Variants in ZBTB7C observed in about 807,000 individuals in gnomAD.
ZBTB7C encodes zinc finger and BTB domain-containing protein 7C.
Under a neutral mutation model 25.7 loss-of-function variants are expected in ZBTB7C, and 8 were observed. The observed-to-expected ratio is 0.31, with a 90% confidence interval of 0.18 to 0.56. ZBTB7C has a LOEUF of 0.56. Among genes scored for constraint, ZBTB7C ranks in the 20% least tolerant of loss-of-function variants. The pLI is 0.91. For missense variants in ZBTB7C, 824 were observed against 855.2 expected, an observed-to-expected ratio of 0.96 and a Z score of 0.46; for synonymous variants, 394 against 369.0, an observed-to-expected ratio of 1.07 and a Z score of -0.78.
At chr18:48,276,991 T>G (rs1444884110) in intron 2 of ZBTB7C, among the ~76,000 whole-genome samples, 1 of 151,746 alleles carries the variant, frequency 6.6e-6, no homozygotes, top group Non-Finnish European at 1.5e-5. Flanking sequence ...ATGATTGCCA[T>G]TCTAACTGGT....
intron 2 of ZBTB7C, among the ~76,000 whole-genome samples, chr18:48,292,743 C>A (rs1320812088): frequency 6.6e-6 from 1 of 152,142 alleles, no homozygotes; most frequent in Non-Finnish European, 1.5e-5. Context: ...CTGGGTATGA[C>A]AAGAAAAGCT....
At chr18:48,294,928 C>G (rs114700633) in intron 2 of ZBTB7C, among the ~76,000 whole-genome samples, 1 of 152,120 alleles carries the variant, frequency 6.6e-6, no homozygotes. Context: ...AATTAGGAAC[C>G]GTGAGCTCTG....
intron 1 of ZBTB7C, among the ~76,000 whole-genome samples, chr18:48,341,910 A>G (rs922251971): frequency 1.3e-5 from 2 of 152,220 alleles, no homozygotes; most frequent in African/African-American, 4.8e-5. Context: ...GCCTCCCTCC[A>G]AGGCCTCACT....
chr18:48,251,348 G>A (rs962736657), intron 2 of ZBTB7C, among the ~76,000 whole-genome samples: 2 of 152,130 alleles, frequency 1.3e-5, no homozygotes, highest in Non-Finnish European at 2.9e-5. Flanking sequence ...TTCATACTAG[G>A]GGAGGGACCC....
chr18:48,071,179 G>A (rs1276136660), intron 3 of ZBTB7C, among the ~76,000 whole-genome samples: 1 of 152,162 alleles, frequency 6.6e-6, no homozygotes, highest in African/African-American at 2.4e-5. Context: ...TACCGCCACA[G>A]GTACTATTTA....
chr18:48,270,710 T>A (rs570700445), intron 2 of ZBTB7C, among the ~76,000 whole-genome samples: 2,786 of 139,550 alleles, frequency 0.02, 63 homozygotes, highest in South Asian at 0.033. Context: ...AAAAAAAAAT[T>A]TTTATATTTT....
At chr18:48,336,276 C>T (rs2046455542) in intron 2 of ZBTB7C, among the ~76,000 whole-genome samples, 1 of 152,224 alleles carries the variant, frequency 6.6e-6, no homozygotes, top group Non-Finnish European at 1.5e-5. Flanking sequence ...GTCAGAATCC[C>T]TGGAAGTTAG....
At chr18:48,207,698 C>T (rs118027260) in intron 2 of ZBTB7C, among the ~76,000 whole-genome samples, 18,436 of 152,054 alleles carry the variant, frequency 0.12, 1,516 homozygotes, top group Non-Finnish European at 0.18. Context: ...AAGCAATCCT[C>T]CCACCTCGGC....
At chr18:48,041,341 G>C in intron 3 of ZBTB7C, 1 of 985,426 alleles carries the variant, frequency 1.0e-6, no homozygotes, top group Non-Finnish European at 1.2e-6. Context: ...TTAGGGATAG[G>C]CTTCTCACTG....
Position 48,124,221 on chromosome 18 carries a change from C to T in ZBTB7C, c.-17+61713G>A, listed in dbSNP as rs1184971277. 4.7e-4 allele frequency among the ~76,000 whole-genome samples: 71 copies of T among 152,230 alleles called. 1 individual carries two copies. The highest frequency in any genetic ancestry group is 8.8e-5 in the Non-Finnish European group (6 of 68,038). ...TGATGAAAAAGCCGAACAAAGCCCG[C>T]AGTCTGTCTGCCTGACTGCAACCCT... On this transcript the variant is annotated intron_variant, in intron 3 of 4. Coordinates refer to ENST00000590800, the MANE Select transcript of ZBTB7C (RefSeq NM_001318841.2).
intron 3 of ZBTB7C, among the ~76,000 whole-genome samples, chr18:48,145,673 T>A (rs1273852583): frequency 6.6e-6 from 1 of 152,224 alleles, no homozygotes; most frequent in Non-Finnish European, 1.5e-5. Context: ...AGCTTTGTAT[T>A]ACCCTGTTTA....
At chr18:48,209,640 C>T (rs945622096) in intron 2 of ZBTB7C, among the ~76,000 whole-genome samples, 7 of 152,046 alleles carry the variant, frequency 4.6e-5, no homozygotes, top group African/African-American at 1.4e-4. Flanking sequence ...TTTGTAGTCC[C>T]AGCTACTCTA....
At chr18:48,321,487 C>T (rs75259022) in intron 2 of ZBTB7C, among the ~76,000 whole-genome samples, 8,223 of 152,248 alleles carry the variant, frequency 0.054, 288 homozygotes, top group South Asian at 0.1. Flanking sequence ...TCCAGGACCA[C>T]CAGCTTCCCC....
At chr18:48,334,853 T>C (rs774416447) in intron 2 of ZBTB7C, among the ~76,000 whole-genome samples, 2 of 152,212 alleles carry the variant, frequency 1.3e-5, no homozygotes, top group South Asian at 2.1e-4. Flanking sequence ...ATGGAGCTTT[T>C]AGAGAAGGAT....
intron 2 of ZBTB7C, among the ~76,000 whole-genome samples, chr18:48,208,150 C>T (rs1487277009): frequency 2.6e-5 from 4 of 151,902 alleles, no homozygotes; most frequent in Non-Finnish European, 5.9e-5. Flanking sequence ...CTTTCTTGTG[C>T]CCAAGAGCCT....
chr18:48,204,081 C>A (rs986970465), intron 2 of ZBTB7C, among the ~76,000 whole-genome samples: 5 of 152,230 alleles, frequency 3.3e-5, no homozygotes, highest in African/African-American at 1.2e-4. Flanking sequence ...AGGCCCTCAC[C>A]CCTTCTCTCT....
At chr18:48,346,168 G>A (rs944114174) in intron 1 of ZBTB7C, among the ~76,000 whole-genome samples, 1 of 152,006 alleles carries the variant, frequency 6.6e-6, no homozygotes, top group Non-Finnish European at 1.5e-5. Context: ...TCAAGTGATC[G>A]GCAAATGACA....
intron 3 of ZBTB7C, among the ~76,000 whole-genome samples, chr18:48,118,303 G>A (rs1374635827): frequency 2.0e-5 from 3 of 152,180 alleles, no homozygotes; most frequent in Admixed American, 6.5e-5. Context: ...ACTGCCGCTA[G>A]CCTGATCAAC....
At chr18:48,054,047 G>T (rs1291694966) in intron 3 of ZBTB7C, among the ~76,000 whole-genome samples, 4 of 152,226 alleles carry the variant, frequency 2.6e-5, no homozygotes, top group African/African-American at 9.6e-5. Context: ...TGGGTTCAAA[G>T]ATTTAAGTTC....
Sources: allele counts gnomAD v4.1 joint callset (sites outside exome capture counted in the v4.1 genomes callset), GRCh38; gene constraint gnomAD v4.1.1; transcripts MANE v1.5; gene names NCBI Gene and HGNC (gene_info 2026-07-23, HGNC 2026-07-21).